The following PDE4D variants were observed in gnomAD, a reference collection of about 807,000 sequenced individuals.
The protein encoded by PDE4D is phosphodiesterase 4D, also known as 3',5'-cyclic-AMP phosphodiesterase 4D.
Under a neutral mutation model 87.4 loss-of-function variants are expected in PDE4D, and 24 were observed. The observed-to-expected ratio is 0.27, with a 90% CI of 0.20 to 0.39. The LOEUF (loss-of-function observed/expected upper bound fraction) is 0.39. Ranked by LOEUF, PDE4D falls within the 10% of genes least tolerant of loss-of-function variation. The pLI is 1.00. For synonymous variants in PDE4D, 384 were observed against 383.2 expected, an observed-to-expected ratio of 1.00 and a Z score of -0.02; for missense variants, 714 against 1,041.0, an observed-to-expected ratio of 0.69 and a Z score of 4.32.
intron 1 of PDE4D, among the ~76,000 whole-genome samples, chr5:59,562,835 A>C (rs1820260736): frequency 6.6e-6 from 1 of 151,518 alleles, no homozygotes; most frequent in South Asian, 2.1e-4. Flanking sequence ...CCTATTTCTC[A>C]CTTCCTCATA....
At chr5:60,492,092 G>A (rs190237797), upstream of PDE4D, among the ~76,000 whole-genome samples, 785 of 150,752 alleles carry the variant, frequency 5.2e-3, 6 homozygotes, top group Middle Eastern at 0.02. Flanking sequence ...CCTGCACAAT[G>A]TGCACATGTA....
At chr5:59,227,458 A>T (rs1754052966) in intron 1 of PDE4D, among the ~76,000 whole-genome samples, 1 of 152,156 alleles carries the variant, frequency 6.6e-6, no homozygotes, top group Non-Finnish European at 1.5e-5. Flanking sequence ...GAGTAAACAG[A>T]TAACCTACAG....
chr5:60,039,976 T>G (rs1255131205), intron 2 of PDE4D, among the ~76,000 whole-genome samples: 1 of 152,226 alleles, frequency 6.6e-6, no homozygotes, highest in East Asian at 1.9e-4. Flanking sequence ...GTATTTTATT[T>G]TTATCATTCA....
chr5:60,241,405 C>T (rs2149659013), intron 1 of PDE4D, among the ~76,000 whole-genome samples: 1 of 151,630 alleles, frequency 6.6e-6, no homozygotes. Flanking sequence ...TCCCAAGTAG[C>T]TGGGATTACA....
intron 1 of PDE4D, among the ~76,000 whole-genome samples, chr5:59,772,076 G>C (rs1296797854): frequency 6.6e-6 from 1 of 152,190 alleles, no homozygotes; most frequent in Admixed American, 6.5e-5. Flanking sequence ...TTCTTGGCCA[G>C]TCCTTGAAAT....
intron 2 of PDE4D, among the ~76,000 whole-genome samples, chr5:60,110,100 A>C (rs892166660): frequency 1.1e-4 from 16 of 152,102 alleles, no homozygotes; most frequent in Non-Finnish European, 1.2e-4. Flanking sequence ...TGCCAAAGCT[A>C]TTTGAAGGAA....
chr5:59,098,377 A>G (rs1770133438), intron 5 of PDE4D, among the ~76,000 whole-genome samples: 1 of 152,104 alleles, frequency 6.6e-6, no homozygotes, highest in South Asian at 2.1e-4. Flanking sequence ...GGCTTCAATA[A>G]GAAAGAGGTT....
chr5:59,622,307 C>T (rs1830435192), intron 1 of PDE4D, among the ~76,000 whole-genome samples: 2 of 152,072 alleles, frequency 1.3e-5, no homozygotes, highest in Non-Finnish European at 2.9e-5. Context: ...TATCAATAAC[C>T]ATTTGGGACA....
intron 1 of PDE4D, among the ~76,000 whole-genome samples, chr5:59,713,126 AC>A (rs1754457543): frequency 6.6e-6 from 1 of 152,242 alleles, no homozygotes; most frequent in Non-Finnish European, 1.5e-5. Flanking sequence ...AGGAAAAAAA[AC>A]AATAAGTGAA....
chr5:59,329,394 A>G (rs973391810), intron 1 of PDE4D, among the ~76,000 whole-genome samples: 4 of 152,204 alleles, frequency 2.6e-5, no homozygotes, highest in African/African-American at 9.6e-5. Flanking sequence ...ATACCTTTTT[A>G]TTGAAGCCCT....
intron 1 of PDE4D, among the ~76,000 whole-genome samples, chr5:60,416,386 T>C (rs531623325): frequency 6.6e-6 from 1 of 152,334 alleles, no homozygotes; most frequent in East Asian, 1.9e-4. Context: ...ATCTTGCTGC[T>C]GCTCACTCTT....
chr5:60,108,972 A>G (rs956386151), intron 2 of PDE4D, among the ~76,000 whole-genome samples: 85 of 152,266 alleles, frequency 5.6e-4, no homozygotes, highest in Admixed American at 2.2e-3. Context: ...TGTCTAAACC[A>G]TCAAAAGCAA....
intron 1 of PDE4D, among the ~76,000 whole-genome samples, chr5:59,392,967 G>T (rs73095461): frequency 0.034 from 5,217 of 152,216 alleles, 309 homozygotes; most frequent in African/African-American, 0.12. Flanking sequence ...CTCAGCTGAA[G>T]AATGAAAGAC....
chr5:60,268,998 T>G (rs1400158092), intron 1 of PDE4D, among the ~76,000 whole-genome samples: 1 of 152,170 alleles, frequency 6.6e-6, no homozygotes, highest in Non-Finnish European at 1.5e-5. Flanking sequence ...ACTGCTAACA[T>G]TCATATATAC....
At chr5:59,415,271 GGGATTT>G (rs1562143945) in intron 1 of PDE4D, among the ~76,000 whole-genome samples, 7 of 152,120 alleles carry the variant, frequency 4.6e-5, no homozygotes, top group African/African-American at 1.7e-4. Flanking sequence ...AGAAAAATAC[GGGATTT>G]TCTTCAGGAG....
chr5:59,602,955 A>T (rs1418384502), intron 1 of PDE4D, among the ~76,000 whole-genome samples: 4 of 152,154 alleles, frequency 2.6e-5, no homozygotes, highest in African/African-American at 9.6e-5. Flanking sequence ...CTCTTCAATA[A>T]ATGGTGCTGG....
chr5:59,854,018 C>T (rs933164809), intron 1 of PDE4D, among the ~76,000 whole-genome samples: 1 of 151,752 alleles, frequency 6.6e-6, no homozygotes, highest in Non-Finnish European at 1.5e-5. Context: ...AGATTAATTC[C>T]TTAGGATAAC....
intron 1 of PDE4D, among the ~76,000 whole-genome samples, chr5:59,768,830 A>G (rs1302830588): frequency 6.6e-6 from 1 of 152,170 alleles, no homozygotes; most frequent in Non-Finnish European, 1.5e-5. Context: ...CTGTTAAACT[A>G]TTGGAACTAA....
chr5:59,947,277 C>G (rs1422166974), intron 3 of PDE4D, among the ~76,000 whole-genome samples: 2 of 152,192 alleles, frequency 1.3e-5, no homozygotes, highest in Non-Finnish European at 2.9e-5. Flanking sequence ...TGAGTAACTT[C>G]CTGATATCCC....
Sources: allele counts gnomAD v4.1 joint callset (sites outside exome capture counted in the v4.1 genomes callset), GRCh38; gene constraint gnomAD v4.1.1; transcripts MANE v1.5; gene names NCBI Gene and HGNC (gene_info 2026-07-23, HGNC 2026-07-21).